Variants in NALCN observed in about 807,000 individuals in gnomAD.
The protein encoded by NALCN is sodium leak channel NALCN.
Under a neutral mutation model 225.3 loss-of-function variants are expected in NALCN, and 111 were observed. The observed-to-expected ratio is 0.49, with a 90% CI of 0.42 to 0.58. NALCN has a LOEUF of 0.58. NALCN is among the 20% of genes least tolerant of loss of function. The probability of loss-of-function intolerance (pLI) is 0.00; values close to 1 mark genes in which losing one functional copy is unlikely to be tolerated. For synonymous variants in NALCN, 764 were observed against 769.0 expected (o/e 0.99, Z 0.11); for missense variants, 1,378 against 2,202.4 (o/e 0.63, Z 7.49).
intron 11 of NALCN, among the ~76,000 whole-genome samples, chr13:101,256,582 C>G (rs1413403276): frequency 1.3e-5 from 2 of 152,018 alleles, no homozygotes; most frequent in Non-Finnish European, 2.9e-5. Context: ...CCCCAGGCAC[C>G]TCTTCCCTCT....
At chr13:101,311,443 T>C (rs1287408302) in intron 7 of NALCN, among the ~76,000 whole-genome samples, 1 of 130,166 alleles carries the variant, frequency 7.7e-6, no homozygotes, top group African/African-American at 2.8e-5. Context: ...TGTGCCAGTT[T>C]TCAAAGGGAA....
At chr13:101,144,685 G>T (rs912022976) in intron 16 of NALCN, 75 bp downstream of exon 16, 1 of 1,471,376 alleles carries the variant, frequency 6.8e-7, no homozygotes. Context: ...CTTAAAAGAA[G>T]GGTTAAATCA....
At chr13:101,287,556 A>C (rs1009147118) in intron 9 of NALCN, among the ~76,000 whole-genome samples, 1 of 152,220 alleles carries the variant, frequency 6.6e-6, no homozygotes, top group African/African-American at 2.4e-5. Flanking sequence ...TTATTATGAA[A>C]ATTAAATAAG....
At position 101,159,542 on chromosome 13, in the gene NALCN, T is replaced by C. The variant is rs534509388; in HGVS notation, c.1840-14646A>G. Among the ~76,000 whole-genome samples, 361 of 152,254 alleles carry C rather than the reference T, an allele frequency of 2.4e-3. 2 individuals carry two copies. The highest frequency in any genetic ancestry group is 3.7e-3 in the Non-Finnish European group (251 of 68,016). ...TAGAACTACGTATATTAGAAAACCA[T>C]GCAGCATGAACACCCCAAAATCAGA... On this transcript the variant is annotated intron_variant, in intron 15 of 43. Coordinates refer to ENST00000251127, the MANE Select transcript of NALCN (RefSeq NM_052867.4).
intron 27 of NALCN, among the ~76,000 whole-genome samples, chr13:101,095,971 A>G (rs539903331): frequency 2.4e-4 from 36 of 152,332 alleles, no homozygotes; most frequent in African/African-American, 8.7e-4. Context: ...ATCATGTGCC[A>G]TCTGCCATCC....
intron 15 of NALCN, among the ~76,000 whole-genome samples, chr13:101,149,248 G>T (rs376423461): frequency 1.3e-5 from 2 of 150,838 alleles, no homozygotes; most frequent in Admixed American, 1.3e-4. Flanking sequence ...AGCCAAGATT[G>T]TGCCACTGCA....
intron 3 of NALCN, among the ~76,000 whole-genome samples, chr13:101,384,332 G>A (rs1046225948): frequency 6.6e-6 from 1 of 152,096 alleles, no homozygotes; most frequent in African/African-American, 2.4e-5. Context: ...TGGTGGCTGA[G>A]GAGAGGAGTG....
intron 34 of NALCN, among the ~76,000 whole-genome samples, chr13:101,077,813 C>G (rs12429031): frequency 0.07 from 10,623 of 152,234 alleles, 850 homozygotes; most frequent in Admixed American, 0.24. Flanking sequence ...GAAAATGTCC[C>G]CAAGGGCATG....
At chr13:101,098,963 A>G (rs1219227879) in intron 27 of NALCN, among the ~76,000 whole-genome samples, 1 of 151,932 alleles carries the variant, frequency 6.6e-6, no homozygotes, top group Non-Finnish European at 1.5e-5. Flanking sequence ...GGATAAATGC[A>G]TCATGAAATC....
intron 18 of NALCN, among the ~76,000 whole-genome samples, chr13:101,112,195 CA>C (rs56693949): frequency 0.24 from 26,658 of 110,880 alleles, 2,209 homozygotes; most frequent in South Asian, 0.29. Flanking sequence ...AACCACAGTT[CA>C]AAAAAAAAAA....
At chr13:101,347,525 C>T (rs1301361183) in intron 6 of NALCN, among the ~76,000 whole-genome samples, 1 of 152,176 alleles carries the variant, frequency 6.6e-6, no homozygotes, top group Non-Finnish European at 1.5e-5. Context: ...TCAGTCTGAT[C>T]TGACTCTGTT....
chr13:101,198,159 T>TCCATATGTCAGACATA lies in NALCN; in HGVS notation c.1627-6106_1627-6105insTATGTCTGACATATGG, dbSNP rs1232158196. ...ATTAATTCAAGATGGAATAAAGACT[T>TCCATATGTCAGACATA]AAATGTCAGACATAAAACCATGAAA... On this transcript the variant is annotated intron_variant, in intron 13 of 43. Transcript: ENST00000251127. Among the ~76,000 whole-genome samples the TCCATATGTCAGACATA allele has an allele frequency of 1.2e-4, 19 of 152,072 alleles. 1 individual carries two copies. Among genetic ancestry groups the TCCATATGTCAGACATA allele is most frequent in the Admixed American group, 5.2e-4 (8 of 15,268 alleles).
At chr13:101,313,567 A>G (rs2044436983) in intron 7 of NALCN, among the ~76,000 whole-genome samples, 1 of 152,220 alleles carries the variant, frequency 6.6e-6, no homozygotes, top group African/African-American at 2.4e-5. Context: ...AAAACACATG[A>G]AAAAATGCTC....
chr13:101,284,098 T>C (rs533933002), intron 9 of NALCN, 79 bp from the exon 10 acceptor site: 1 of 1,219,000 alleles, frequency 8.2e-7, no homozygotes, highest in Admixed American at 3.0e-5. Flanking sequence ...GCTTTGTATA[T>C]TTTTATGTTA....
At chr13:101,101,271 A>ATTT (rs1333492865) in intron 26 of NALCN, among the ~76,000 whole-genome samples, 15 of 116,902 alleles carry the variant, frequency 1.3e-4, no homozygotes, top group Admixed American at 2.6e-4. Context: ...ATATATATTT[A>ATTT]TTTTTTTTTC....
At chr13:101,232,914 G>C (rs2041408472) in intron 12 of NALCN, among the ~76,000 whole-genome samples, 2 of 151,786 alleles carry the variant, frequency 1.3e-5, no homozygotes, top group Admixed American at 6.6e-5. Context: ...TATCAGATTT[G>C]TCTATTTTCG....
intron 13 of NALCN, among the ~76,000 whole-genome samples, chr13:101,207,086 A>G (rs1345845161): frequency 6.6e-6 from 1 of 152,174 alleles, no homozygotes; most frequent in Admixed American, 6.5e-5. Flanking sequence ...CTTTGTATGC[A>G]TCTCAGGTTA....
intron 7 of NALCN, among the ~76,000 whole-genome samples, chr13:101,339,141 G>A (rs1022889756): frequency 6.6e-6 from 1 of 152,182 alleles, no homozygotes; most frequent in Admixed American, 6.5e-5. Flanking sequence ...ATTCAGAAAA[G>A]GGAAGACACA....
At chr13:101,279,581 C>CAG (rs2043079089) in intron 10 of NALCN, among the ~76,000 whole-genome samples, 4 of 151,862 alleles carry the variant, frequency 2.6e-5, no homozygotes, top group Admixed American at 2.6e-4. Context: ...CTTTGGGAGG[C>CAG]CGAGGCGGGC....
Sources: gnomAD v4.1 joint callset for allele counts (sites outside exome capture counted in the v4.1 genomes callset) on GRCh38, gnomAD v4.1.1 for gene constraint, MANE v1.5 for transcripts, NCBI Gene and HGNC (gene_info 2026-07-23, HGNC 2026-07-21) for gene names.